Variants in ROBO2 observed in about 807,000 individuals in gnomAD.
ROBO2 encodes roundabout homolog 2.
ROBO2 carries 53 observed loss-of-function variants against 160.8 expected under a neutral mutation model. The ratio of observed to expected loss-of-function variants is 0.33; its 90% CI spans 0.26 to 0.41. The LOEUF (loss-of-function observed/expected upper bound fraction) is 0.41. Ranked by LOEUF, ROBO2 falls within the 10% of genes least tolerant of loss-of-function variation. The probability of loss-of-function intolerance (pLI) is 1.00; values close to 1 mark genes in which losing one functional copy is unlikely to be tolerated. For missense variants in ROBO2, 1,577 were observed against 1,722.4 expected (o/e 0.92, Z 1.49); for synonymous variants, 664 against 611.7 (o/e 1.09, Z -1.26).
chr3:76,215,438 G>C (rs2107352906), intron 2 of ROBO2, among the ~76,000 whole-genome samples: 1 of 152,264 alleles, frequency 6.6e-6, no homozygotes, highest in East Asian at 1.9e-4. Flanking sequence ...TGGCTAACTA[G>C]AATAACCAAT....
chr3:76,910,763 A>G (rs2075944014), intron 2 of ROBO2, among the ~76,000 whole-genome samples: 1 of 150,880 alleles, frequency 6.6e-6, no homozygotes, highest in Non-Finnish European at 1.5e-5. Flanking sequence ...AAGAAATCAT[A>G]TACATTGTTA....
At chr3:76,811,782 CTT>C (rs2065178882) in intron 2 of ROBO2, among the ~76,000 whole-genome samples, 3 of 37,084 alleles carry the variant, frequency 8.1e-5, no homozygotes, top group African/African-American at 3.0e-4. Flanking sequence ...TCCCTCCTTC[CTT>C]CCTTCCTTCC....
At chr3:76,890,133 G>C (rs139421716) in intron 2 of ROBO2, among the ~76,000 whole-genome samples, 1 of 152,148 alleles carries the variant, frequency 6.6e-6, no homozygotes, top group Non-Finnish European at 1.5e-5. Context: ...ATCATTCTGC[G>C]TTTGGAACAG....
At chr3:77,045,828 C>G (rs965204305) in intron 1 of ROBO2, among the ~76,000 whole-genome samples, 6 of 152,180 alleles carry the variant, frequency 3.9e-5, no homozygotes, top group African/African-American at 1.4e-4. Flanking sequence ...GTGGATTTGT[C>G]TTTTCTGGAC....
chr3:76,405,595 G>A (rs548187993), intron 2 of ROBO2, among the ~76,000 whole-genome samples: 53 of 151,756 alleles, frequency 3.5e-4, no homozygotes, highest in South Asian at 2.9e-3. Context: ...AAAAACAGCA[G>A]GTAGTCCCGG....
At chr3:76,695,783 G>T (rs934285987) in intron 2 of ROBO2, among the ~76,000 whole-genome samples, 1 of 152,106 alleles carries the variant, frequency 6.6e-6, no homozygotes, top group Non-Finnish European at 1.5e-5. Flanking sequence ...TGTATAACTT[G>T]GGCAAGTCAC....
At chr3:77,586,668 T>A (rs1180395007) in intron 16 of ROBO2, among the ~76,000 whole-genome samples, 1 of 151,874 alleles carries the variant, frequency 6.6e-6, no homozygotes, top group Non-Finnish European at 1.5e-5. Context: ...ATATTATGGA[T>A]CCTTTACAAA....
chr3:75,926,003 G>A (rs752546511), intron 1 of ROBO2, among the ~76,000 whole-genome samples: 1 of 152,114 alleles, frequency 6.6e-6, no homozygotes, highest in Non-Finnish European at 1.5e-5. Context: ...AACGTGTAGT[G>A]CACCTTCGGA....
At chr3:76,203,683 G>T (rs546251547) in intron 2 of ROBO2, among the ~76,000 whole-genome samples, 8 of 151,564 alleles carry the variant, frequency 5.3e-5, no homozygotes, top group Admixed American at 5.2e-4. Flanking sequence ...CACAGGTCAC[G>T]GTTCTAGTAA....
chr3:77,539,642 G>A (rs990432288), intron 6 of ROBO2, among the ~76,000 whole-genome samples: 9 of 151,996 alleles, frequency 5.9e-5, no homozygotes, highest in Admixed American at 3.3e-4. Context: ...GTACTATTCC[G>A]AGGCATTCAT....
At chr3:77,196,291 T>C (rs193230857) in intron 2 of ROBO2, among the ~76,000 whole-genome samples, 43 of 151,912 alleles carry the variant, frequency 2.8e-4, no homozygotes, top group Non-Finnish European at 4.4e-4. Flanking sequence ...GGTATTTGAA[T>C]GTTGCATTAA....
chr3:77,324,560 A>G (rs2153435140), intron 2 of ROBO2, among the ~76,000 whole-genome samples: 1 of 152,180 alleles, frequency 6.6e-6, no homozygotes, highest in African/African-American at 2.4e-5. Flanking sequence ...CGGGCGGATC[A>G]CGAGGTCAGG....
At chr3:75,988,519 G>T (rs567239484) in intron 2 of ROBO2, among the ~76,000 whole-genome samples, 3 of 151,986 alleles carry the variant, frequency 2.0e-5, no homozygotes, top group Non-Finnish European at 4.4e-5. Flanking sequence ...CTCTACATCT[G>T]CTGCCTTTGG....
At chr3:76,416,644 T>A (rs2075768826) in intron 2 of ROBO2, among the ~76,000 whole-genome samples, 1 of 152,198 alleles carries the variant, frequency 6.6e-6, no homozygotes, top group Non-Finnish European at 1.5e-5. Context: ...TTTAATCAAG[T>A]ATTTTAATGT....
intron 2 of ROBO2, among the ~76,000 whole-genome samples, chr3:76,734,044 T>A (rs1227318400): frequency 6.6e-6 from 1 of 152,132 alleles, no homozygotes; most frequent in African/African-American, 2.4e-5. Flanking sequence ...AGGGAACTAA[T>A]CCCATTCATG....
At chr3:77,077,688 A>G (rs891536733) in intron 1 of ROBO2, among the ~76,000 whole-genome samples, 2 of 152,210 alleles carry the variant, frequency 1.3e-5, no homozygotes, top group African/African-American at 2.4e-5. Flanking sequence ...TTTGTTTTTC[A>G]GAGTAGCATG....
At chr3:76,057,969 G>A (rs73842932) in intron 2 of ROBO2, among the ~76,000 whole-genome samples, 3,181 of 152,186 alleles carry the variant, frequency 0.021, 43 homozygotes, top group East Asian at 0.081. Context: ...TGCCTTTACC[G>A]TGTGTTTGTG....
In ROBO2 at chr3:76,615,760, A is replaced by C. The variant is rs58336533; in HGVS notation, c.110-482254A>C. 4.7e-3 allele frequency among the ~76,000 whole-genome samples: 711 copies of C among 152,318 alleles called. 6 individuals are homozygous for C. The highest frequency in any genetic ancestry group is 0.017 in the African/African-American group (689 of 41,560). ...ACCAAGTATTTTTACTTTATTAATG[A>C]TAAAAACAATAATTCCATGTGTGCA... On this transcript the variant is annotated intron_variant, in intron 2 of 26. Coordinates refer to the ROBO2 transcript ENST00000487694.
chr3:77,639,863 A>G (rs2095321947), intron 24 of ROBO2, among the ~76,000 whole-genome samples: 1 of 152,160 alleles, frequency 6.6e-6, no homozygotes, highest in African/African-American at 2.4e-5. Flanking sequence ...GATGTACTAA[A>G]TGAGGCAAGG....
Sources: gnomAD v4.1 joint callset for allele counts (sites outside exome capture counted in the v4.1 genomes callset) on GRCh38, gnomAD v4.1.1 for gene constraint, MANE v1.5 for transcripts, NCBI Gene and HGNC (gene_info 2026-07-23, HGNC 2026-07-21) for gene names.